The following ARHGAP24 variants were observed in gnomAD, a reference collection of about 807,000 sequenced individuals.
The protein encoded by ARHGAP24 is rho GTPase-activating protein 24.
Under a neutral mutation model 76.4 loss-of-function variants are expected in ARHGAP24, and 50 were observed. That is an observed-to-expected ratio of 0.65 (90% confidence interval 0.52 to 0.83). ARHGAP24 has a LOEUF of 0.83. ARHGAP24 is among the 40% of genes least tolerant of loss of function. The pLI, the probability that ARHGAP24 is intolerant of heterozygous loss-of-function variation, is 0.00. For synonymous variants in ARHGAP24, 345 were observed against 323.3 expected (o/e 1.07, Z -0.72); for missense variants, 930 against 914.2 (o/e 1.02, Z -0.22).
chr4:85,870,049 T>C lies in ARHGAP24; in HGVS notation c.269-53599T>C, dbSNP rs111721877. Among the ~76,000 whole-genome samples, 6 of 152,160 alleles carry C rather than the reference T, an allele frequency of 3.9e-5. 1 individual carries two copies. In the South Asian group the frequency reaches 1.0e-3, roughly 26 times the overall value. On this transcript the variant is annotated intron_variant, in intron 3 of 9. Coordinates refer to ENST00000395184, the MANE Select transcript of ARHGAP24 (RefSeq NM_001025616.3). Reference sequence around the variant, plus strand: ...ACAATAATAGTAGCTACCTAAGATATTGTGTGGATTAATTGAGTTAATGCA... The same window carrying C: ...ACAATAATAGTAGCTACCTAAGATACTGTGTGGATTAATTGAGTTAATGCA...
intron 3 of ARHGAP24, among the ~76,000 whole-genome samples, chr4:85,743,749 T>C (rs1226929106): frequency 6.6e-6 from 1 of 152,128 alleles, no homozygotes; most frequent in Admixed American, 6.5e-5. Context: ...AACGACTCTA[T>C]GTTATCCTGG....
chr4:85,734,583 C>A (rs1725533956), intron 3 of ARHGAP24, among the ~76,000 whole-genome samples: 1 of 146,710 alleles, frequency 6.8e-6, no homozygotes, highest in Non-Finnish European at 1.5e-5. Flanking sequence ...TCAAGGCAGG[C>A]AATTAAGGCT....
At chr4:85,967,942 T>A (rs1355131070) in intron 5 of ARHGAP24, among the ~76,000 whole-genome samples, 1 of 152,114 alleles carries the variant, frequency 6.6e-6, no homozygotes, top group Non-Finnish European at 1.5e-5. Flanking sequence ...GAAAAAGAAG[T>A]TACCTACAGA....
chr4:85,978,352 G>T (rs1352749863), intron 8 of ARHGAP24, among the ~76,000 whole-genome samples: 7 of 152,088 alleles, frequency 4.6e-5, no homozygotes, highest in Admixed American at 4.6e-4. Flanking sequence ...ATTTAGTCTA[G>T]AACAAAATGT....
intron 1 of ARHGAP24, among the ~76,000 whole-genome samples, chr4:85,555,489 TAGG>T: frequency 6.6e-6 from 1 of 152,300 alleles, no homozygotes; most frequent in African/African-American, 2.4e-5. Context: ...GACCAGTAGG[TAGG>T]CTCTTGCTTA....
chr4:85,638,598 C>G (rs1204038261), intron 2 of ARHGAP24, among the ~76,000 whole-genome samples: 1 of 152,084 alleles, frequency 6.6e-6, no homozygotes, highest in African/African-American at 2.4e-5. Flanking sequence ...ATAGTAACAT[C>G]AACTTTCCTT....
intron 2 of ARHGAP24, among the ~76,000 whole-genome samples, chr4:85,580,153 GGAGA>G (rs140863021): frequency 4.0e-5 from 6 of 148,216 alleles, no homozygotes; most frequent in South Asian, 4.3e-4. Flanking sequence ...GGAGGGTGAT[GGAGA>G]GAGAGAGAGA....
intron 2 of ARHGAP24, among the ~76,000 whole-genome samples, chr4:85,693,643 G>A (rs1416410599): frequency 6.6e-6 from 1 of 152,200 alleles, no homozygotes; most frequent in Non-Finnish European, 1.5e-5. Flanking sequence ...CAAAACACCA[G>A]CCAGGTCAAC....
intron 3 of ARHGAP24, among the ~76,000 whole-genome samples, chr4:85,840,672 C>T (rs1254567399): frequency 1.3e-5 from 2 of 152,198 alleles, no homozygotes; most frequent in Non-Finnish European, 2.9e-5. Flanking sequence ...GAGATAAAGA[C>T]TCTACCTGTG....
intron 2 of ARHGAP24, chr4:85,686,477 C>T (rs1401155023): frequency 6.6e-5 from 10 of 152,104 alleles, no homozygotes; most frequent in African/African-American, 1.9e-4. Flanking sequence ...AACAAGAAAA[C>T]GAAGTCCTGG....
intron 1 of ARHGAP24, among the ~76,000 whole-genome samples, chr4:85,501,007 G>C (rs143214900): frequency 1.1e-3 from 163 of 152,214 alleles, no homozygotes; most frequent in Admixed American, 1.8e-3. Flanking sequence ...TGCTCAGAAT[G>C]ATGGTCTCTA....
chr4:85,992,560 C>T (rs535858443), intron 8 of ARHGAP24, among the ~76,000 whole-genome samples: 3 of 152,054 alleles, frequency 2.0e-5, no homozygotes, highest in African/African-American at 4.8e-5. Context: ...TCCATTTTCC[C>T]AAAATACTAG....
At chr4:85,957,881 T>C (rs897407306) in intron 5 of ARHGAP24, among the ~76,000 whole-genome samples, 5 of 151,914 alleles carry the variant, frequency 3.3e-5, no homozygotes, top group African/African-American at 1.2e-4. Flanking sequence ...TGTTGCATCA[T>C]GTTTTACTCT....
chr4:85,647,030 T>C lies in ARHGAP24; in HGVS notation c.181-74855T>C, dbSNP rs574802914. Among the ~76,000 whole-genome samples the C allele has an allele frequency of 2.0e-5, 3 of 152,202 alleles. No individual in the cohort carries two copies. In the East Asian group the frequency reaches 5.8e-4, roughly 29 times the overall value. ...GTTGAGAATATAAGGATAGTAGAGA[T>C]TAATTCTAGTTGGAATTGAGGAATT... On this transcript the variant is annotated intron_variant, in intron 2 of 9. Transcript: ENST00000395184.
intron 4 of ARHGAP24, among the ~76,000 whole-genome samples, chr4:85,938,915 G>A (rs190772556): frequency 6.6e-6 from 1 of 152,060 alleles, no homozygotes; most frequent in East Asian, 1.9e-4. Flanking sequence ...AGGAATTGAG[G>A]TCAGAAAGCT....
intron 2 of ARHGAP24, among the ~76,000 whole-genome samples, chr4:85,664,878 C>T (rs1441430190): frequency 2.6e-5 from 4 of 152,166 alleles, no homozygotes; most frequent in Non-Finnish European, 2.9e-5. Flanking sequence ...GTCTGAGAGA[C>T]AGTTTGTTAT....
intron 1 of ARHGAP24, among the ~76,000 whole-genome samples, chr4:85,521,324 T>C (rs1046713514): frequency 8.8e-6 from 1 of 113,760 alleles, no homozygotes; most frequent in Non-Finnish European, 2.0e-5. Context: ...AAGGAGGCAC[T>C]GAAAGTTACA....
chr4:85,648,041 G>T, intron 2 of ARHGAP24, among the ~76,000 whole-genome samples: 1 of 152,178 alleles, frequency 6.6e-6, no homozygotes, highest in Non-Finnish European at 1.5e-5. Flanking sequence ...GCATAAATGC[G>T]TCTAAGTAAG....
intron 2 of ARHGAP24, among the ~76,000 whole-genome samples, chr4:85,619,887 T>C (rs958393802): frequency 1.3e-5 from 2 of 152,004 alleles, no homozygotes; most frequent in African/African-American, 4.8e-5. Context: ...TCTTATTTTT[T>C]TTCAAATGCC....
Sources: allele counts gnomAD v4.1 joint callset (sites outside exome capture counted in the v4.1 genomes callset), GRCh38; gene constraint gnomAD v4.1.1; transcripts MANE v1.5; gene names NCBI Gene and HGNC (gene_info 2026-07-23, HGNC 2026-07-21).